The following ADCK1 variants were observed in gnomAD, a reference collection of about 807,000 sequenced individuals.
The protein encoded by ADCK1 is aarF domain containing kinase 1, also known as aarF domain-containing protein kinase 1.
A neutral mutation model predicts 52.3 loss-of-function variants in ADCK1; 41 were observed. That is an observed-to-expected ratio of 0.78 (90% CI 0.61 to 1.02). The LOEUF is 1.02. ADCK1 is among the 50% of genes least tolerant of loss of function. The pLI, the probability that ADCK1 is intolerant of heterozygous loss-of-function variation, is 0.00. For synonymous variants in ADCK1, 250 were observed against 274.6 expected (o/e 0.91, Z 0.89); for missense variants, 658 against 679.5 (o/e 0.97, Z 0.35).
At position 77,879,736 on chromosome 14, in the gene ADCK1, A is replaced by C. The variant is rs537962930; in HGVS notation, c.424-7355A>C. On this transcript the variant is annotated intron_variant, in intron 4 of 10. Transcript: ENST00000238561. ...GATAGGGCAGGCTGGTGAGGAGGTC[A>C]TTGCAGTCTCTGGGGAAATGAGGGT... Among the ~76,000 whole-genome samples the C allele has an allele frequency of 7.9e-5, 12 of 152,240 alleles. No individual in the cohort carries two copies. The South Asian group carries it at 2.5e-3, about 32-fold the overall frequency.
intron 3 of ADCK1, among the ~76,000 whole-genome samples, chr14:77,856,102 C>T (rs1394438125): frequency 1.3e-5 from 2 of 152,058 alleles, no homozygotes; most frequent in South Asian, 2.1e-4. Flanking sequence ...CCCAGCTACT[C>T]AGGAGGCTGA....
intron 4 of ADCK1, among the ~76,000 whole-genome samples, chr14:77,864,472 A>G (rs924260062): frequency 6.6e-6 from 1 of 152,176 alleles, no homozygotes; most frequent in African/African-American, 2.4e-5. Flanking sequence ...CGAGGGGCAC[A>G]CAGCACCTCT....
chr14:77,913,343 C>T (rs1358840762), intron 7 of ADCK1, among the ~76,000 whole-genome samples: 1 of 152,190 alleles, frequency 6.6e-6, no homozygotes, highest in South Asian at 2.1e-4. Flanking sequence ...CCTCCAGGCC[C>T]GAGACAGCCC....
At chr14:77,865,920 CT>C (rs2082651253) in intron 4 of ADCK1, among the ~76,000 whole-genome samples, 1 of 152,154 alleles carries the variant, frequency 6.6e-6, no homozygotes, top group African/African-American at 2.4e-5. Flanking sequence ...GTGCTGTGTG[CT>C]TTTTATGAGC....
rs767968636 is a variant in ADCK1, at chr14:77,924,607, G to A, written c.1008+1G>A. 1 of 1,612,604 alleles carries A rather than the reference G, an allele frequency of 6.2e-7. No homozygotes were observed. Among genetic ancestry groups the A allele is most frequent in the South Asian group, 1.1e-5 (1 of 91,076 alleles). ...CCTGTTGGACCATGGGCTTTACCAGGTAGAAGAGGCCTTTGTTACCCAGCC... is the reference window on the plus strand; with the variant it reads ...CCTGTTGGACCATGGGCTTTACCAGATAGAAGAGGCCTTTGTTACCCAGCC... On this transcript the variant is annotated splice_donor_variant, in intron 8 of 10. Coordinates refer to ENST00000238561, the MANE Select transcript of ADCK1 (RefSeq NM_020421.4). LOFTEE classifies it high-confidence loss of function.
chr14:77,836,836 C>T (rs1447426676), intron 3 of ADCK1, among the ~76,000 whole-genome samples: 8 of 136,922 alleles, frequency 5.8e-5, no homozygotes, highest in African/African-American at 1.1e-4. Context: ...TGCAATGGTG[C>T]GATCTTGGCT....
chr14:77,907,820 G>A lies in ADCK1; in HGVS notation c.759G>A (p.Trp253Ter). 6.2e-7 allele frequency: 1 copy of A among 1,613,880 alleles called. No homozygotes were observed. Among genetic ancestry groups the A allele is most frequent in the Non-Finnish European group, 8.5e-7 (1 of 1,179,872 alleles). ...FDFLKVPRIH[W>*]DLSTERVLLM... ...TATCCCAGGTCCCCCGAATCCACTG[G>A]GACCTGTCCACGGAGCGGGTCCTCC... Residue 253 changes from tryptophan (W) to a stop codon, truncating the protein, a stop_gained, in exon 7 of 11, where the codon TGG becomes TGA. Transcript: ENST00000238561. LOFTEE classifies it high-confidence loss of function.
chr14:77,879,385 G>A lies in ADCK1; in HGVS notation c.424-7706G>A, dbSNP rs531351382. 2.0e-5 allele frequency among the ~76,000 whole-genome samples: 3 copies of A among 152,320 alleles called. No individual in the cohort carries two copies. The South Asian group carries it at 6.2e-4, about 32-fold the overall frequency. On this transcript the variant is annotated intron_variant, in intron 4 of 10. Coordinates refer to ENST00000238561, the MANE Select transcript of ADCK1 (RefSeq NM_020421.4). ...AGGTGCATGAACCCTGAGAATGTAC[G>A]CAGGGGAGACCTCTCTGAGGAGGTG... is the stretch of plus-strand genomic sequence containing the variant.
chr14:77,828,039 A>G, intron 3 of ADCK1: 1 of 230,500 alleles, frequency 4.3e-6, no homozygotes, highest in Non-Finnish European at 8.7e-6. Flanking sequence ...TGTATTAGCC[A>G]GAATGATCTC....
chr14:77,931,784 A>G (rs1347308712), intron 10 of ADCK1, 73 bp downstream of exon 10: 8 of 1,473,884 alleles, frequency 5.4e-6, no homozygotes, highest in Non-Finnish European at 7.3e-6. Flanking sequence ...TTTTGCTGCC[A>G]CCTTTCCCCA....
chr14:77,860,457 G>A (rs2082519785), intron 4 of ADCK1, among the ~76,000 whole-genome samples: 1 of 152,194 alleles, frequency 6.6e-6, no homozygotes, highest in Non-Finnish European at 1.5e-5. Context: ...GTCCCTTAAT[G>A]TGGAGCTGGC....
In ADCK1 at chr14:77,818,678, A is replaced by C. The variant is rs1180825063; in HGVS notation, c.-11-290A>C. On this transcript the variant is annotated intron_variant, in intron 1 of 10. Transcript: ENST00000238561. Reference sequence around the variant, plus strand: ...AGTGGGCAAGAACTTTGTTTTGTTCACTGTCTTTCCCCATGTCTAGAACAG... The same window carrying C: ...AGTGGGCAAGAACTTTGTTTTGTTCCCTGTCTTTCCCCATGTCTAGAACAG... Among the ~76,000 whole-genome samples the C allele has an allele frequency of 1.3e-5, 2 of 152,142 alleles. 1 individual carries two copies. The highest frequency in any genetic ancestry group is 6.3e-3 in the Middle Eastern group (2 of 316).
intron 4 of ADCK1, among the ~76,000 whole-genome samples, chr14:77,874,077 G>T (rs1354898855): frequency 1.3e-5 from 2 of 152,196 alleles, no homozygotes; most frequent in Non-Finnish European, 2.9e-5. Flanking sequence ...GGGAGACTGT[G>T]GGACTAGACT....
Position 77,852,881 on chromosome 14 carries a change from G to GTATATATATATATATATA in ADCK1, c.220-6194_220-6193insATATATATATATATATAT, listed in dbSNP as rs1250184497. On this transcript the variant is annotated intron_variant, in intron 3 of 10. Transcript: ENST00000238561. ...TTTCAAGTTCACTAATCTTTTATGT[G>GTATATATATATATATATA]TGTATATATATATATATATATATAT... is the stretch of plus-strand genomic sequence containing the variant. Among the ~76,000 whole-genome samples, 77 of 29,540 alleles carry GTATATATATATATATATA rather than the reference G, an allele frequency of 2.6e-3. 1 individual carries two copies. Among genetic ancestry groups the GTATATATATATATATATA allele is most frequent in the Middle Eastern group, 0.036 (1 of 28 alleles). The allele number at this position is 29,540 out of a possible 152,430, so 19.4% of individuals were successfully genotyped here. A position where few individuals can be genotyped will look rare whatever the true frequency, so the allele number is the denominator to read the frequency against.
intron 10 of ADCK1, 59 bp from the exon 11 acceptor site, chr14:77,933,161 A>G: frequency 6.4e-7 from 1 of 1,566,838 alleles, no homozygotes; most frequent in Non-Finnish European, 8.7e-7. Flanking sequence ...TAAATGATAC[A>G]GAGCTAGTGT....
chr14:77,845,760 A>C (rs1221319235), intron 3 of ADCK1, among the ~76,000 whole-genome samples: 2 of 152,040 alleles, frequency 1.3e-5, no homozygotes, highest in Non-Finnish European at 2.9e-5. Flanking sequence ...ATCTTTCTAG[A>C]TTCTTGGTGG....
At chr14:77,871,485 G>A (rs1476215241) in intron 4 of ADCK1, among the ~76,000 whole-genome samples, 1 of 152,110 alleles carries the variant, frequency 6.6e-6, no homozygotes, top group East Asian at 1.9e-4. Context: ...AGCCTCCCAA[G>A]TAGCTGGGAT....
At chr14:77,803,008 G>T (rs2081144612) in intron 1 of ADCK1, among the ~76,000 whole-genome samples, 1 of 152,066 alleles carries the variant, frequency 6.6e-6, no homozygotes, top group Admixed American at 6.6e-5. Context: ...ATCTTAGGGA[G>T]GGCAGACTGT....
chr14:77,864,159 G>A (rs1275692130), intron 4 of ADCK1, among the ~76,000 whole-genome samples: 1 of 152,180 alleles, frequency 6.6e-6, no homozygotes, highest in African/African-American at 2.4e-5. Flanking sequence ...TGCACCATCT[G>A]ACTGGAGTTT....
Sources: gnomAD v4.1 joint callset for allele counts (sites outside exome capture counted in the v4.1 genomes callset) on GRCh38, gnomAD v4.1.1 for gene constraint, MANE v1.5 for transcripts, NCBI Gene and HGNC (gene_info 2026-07-23, HGNC 2026-07-21) for gene names.